The following SENP7 variants were observed in gnomAD, a reference collection of about 807,000 sequenced individuals.
SENP7 encodes sentrin-specific protease 7.
A neutral mutation model predicts 141.2 loss-of-function variants in SENP7; 64 were observed. The ratio of observed to expected loss-of-function variants is 0.45; its 90% CI spans 0.37 to 0.56. The LOEUF (loss-of-function observed/expected upper bound fraction) is 0.56. SENP7 is among the 20% of genes least tolerant of loss of function. The probability of loss-of-function intolerance (pLI) is 0.00; values close to 1 mark genes in which losing one functional copy is unlikely to be tolerated. For missense variants in SENP7, 1,025 were observed against 1,212.2 expected (o/e 0.85, Z 2.29); for synonymous variants, 382 against 426.4 (o/e 0.90, Z 1.28).
chr3:101,402,393 G>A (rs2061171093), intron 5 of SENP7, among the ~76,000 whole-genome samples: 4 of 152,080 alleles, frequency 2.6e-5, no homozygotes, highest in South Asian at 2.1e-4. Context: ...GGCGGCAGAG[G>A]CCGGCGGATA....
intron 3 of SENP7, among the ~76,000 whole-genome samples, chr3:101,476,813 T>C (rs1258285527): frequency 1.3e-5 from 2 of 152,242 alleles, no homozygotes; most frequent in East Asian, 3.8e-4. Context: ...TGAGATGGTA[T>C]CACATTGTGG....
intron 3 of SENP7, among the ~76,000 whole-genome samples, chr3:101,481,846 G>A (rs1052762504): frequency 5.3e-5 from 8 of 152,032 alleles, no homozygotes; most frequent in Non-Finnish European, 1.2e-4. Context: ...CGTAACTGTC[G>A]ATGTGGAAAT....
chr3:101,356,392 ATAAAG>A (rs1248052071), intron 11 of SENP7, among the ~76,000 whole-genome samples: 2 of 152,230 alleles, frequency 1.3e-5, no homozygotes, highest in African/African-American at 4.8e-5. Context: ...AAATAACAGC[ATAAAG>A]TAATTTGAAA....
intron 5 of SENP7, chr3:101,414,480 C>G (rs1190082021): frequency 5.3e-6 from 8 of 1,515,240 alleles, no homozygotes; most frequent in Non-Finnish European, 6.4e-6. Context: ...AATGCAACAA[C>G]AAAGCCAAAG....
At chr3:101,475,478 T>G (rs1237988033) in intron 3 of SENP7, among the ~76,000 whole-genome samples, 1 of 152,162 alleles carries the variant, frequency 6.6e-6, no homozygotes, top group East Asian at 1.9e-4. Context: ...CCACATGTCC[T>G]CACTCATAAG....
At chr3:101,379,526 T>G (rs1388304952) in intron 6 of SENP7, among the ~76,000 whole-genome samples, 1 of 152,138 alleles carries the variant, frequency 6.6e-6, no homozygotes, top group East Asian at 1.9e-4. Context: ...GCAAAGTACT[T>G]GAATAAACAT....
chr3:101,343,141 G>C (rs1442524741), intron 14 of SENP7, among the ~76,000 whole-genome samples: 1 of 152,144 alleles, frequency 6.6e-6, no homozygotes, highest in Non-Finnish European at 1.5e-5. Context: ...TATTACTGGT[G>C]ATGTTCATTT....
At chr3:101,441,985 C>T (rs1200312202) in intron 4 of SENP7, among the ~76,000 whole-genome samples, 1 of 152,214 alleles carries the variant, frequency 6.6e-6, no homozygotes, top group East Asian at 1.9e-4. Flanking sequence ...TATACCACTG[C>T]ATCCACTCAG....
At chr3:101,461,301 C>T (rs1398665567) in intron 3 of SENP7, among the ~76,000 whole-genome samples, 1 of 151,906 alleles carries the variant, frequency 6.6e-6, no homozygotes, top group Non-Finnish European at 1.5e-5. Context: ...ATGTCCACAC[C>T]AAATGAAGAA....
intron 4 of SENP7, among the ~76,000 whole-genome samples, chr3:101,422,768 T>G (rs189168899): frequency 1.1e-4 from 17 of 152,236 alleles, no homozygotes; most frequent in Admixed American, 1.1e-3. Context: ...CTTTTCTATT[T>G]TACATATGAG....
intron 1 of SENP7, among the ~76,000 whole-genome samples, chr3:101,501,984 A>G (rs1166724063): frequency 6.6e-6 from 1 of 152,242 alleles, no homozygotes; most frequent in Non-Finnish European, 1.5e-5. Flanking sequence ...ATTAATTTGA[A>G]ATGAATCATA....
At chr3:101,335,966 A>C (rs914861370) in intron 17 of SENP7, among the ~76,000 whole-genome samples, 6 of 152,314 alleles carry the variant, frequency 3.9e-5, no homozygotes, top group African/African-American at 1.4e-4. Flanking sequence ...TTAATCATAC[A>C]TCCCAGTTTG....
intron 3 of SENP7, among the ~76,000 whole-genome samples, chr3:101,492,294 G>T (rs189849523): frequency 2.0e-5 from 3 of 152,060 alleles, no homozygotes; most frequent in Non-Finnish European, 2.9e-5. Flanking sequence ...AGCACAGCTT[G>T]AGCCCAGGAA....
intron 6 of SENP7, among the ~76,000 whole-genome samples, chr3:101,375,542 CCAAAAAAAAAAAAA>C (rs1224902915): frequency 2.4e-4 from 6 of 25,512 alleles, no homozygotes; most frequent in South Asian, 5.3e-3. Context: ...AATTCCATCT[CCAAAAAAAAAAAAA>C]AAAAAAAAAA....
At chr3:101,411,658 T>C (rs2061461570) in intron 5 of SENP7, among the ~76,000 whole-genome samples, 2 of 152,176 alleles carry the variant, frequency 1.3e-5, no homozygotes, top group African/African-American at 4.8e-5. Flanking sequence ...ATTTCAGAAG[T>C]TCTGAATTTC....
At chr3:101,436,634 CA>C (rs1379677841) in intron 4 of SENP7, among the ~76,000 whole-genome samples, 2 of 148,574 alleles carry the variant, frequency 1.3e-5, no homozygotes, top group Admixed American at 6.7e-5. Context: ...GATATTTTTC[CA>C]AAAAAAAAGA....
chr3:101,439,334 G>C (rs1449671009), intron 4 of SENP7, among the ~76,000 whole-genome samples: 625 of 61,404 alleles, frequency 0.01, no homozygotes, highest in African/African-American at 0.027. Context: ...CTCTCCGCCC[G>C]GCAGCCACCC....
chr3:101,399,737 T>C (rs759877822), intron 5 of SENP7, among the ~76,000 whole-genome samples: 2 of 152,228 alleles, frequency 1.3e-5, no homozygotes, highest in African/African-American at 2.4e-5. Context: ...GTAATCCTCC[T>C]ACCTCAGCCT....
In SENP7 at chr3:101,387,074, C is replaced by A. The variant is rs1186853756; in HGVS notation, c.677+11787G>T. ...GGGACTGAGTACATGCCTTCCCTGG[C>A]CACTGCCACCATCACCAGGGCCTGA... is the stretch of plus-strand genomic sequence containing the variant. On this transcript the variant is annotated intron_variant, in intron 6 of 23. Transcript: ENST00000394095. Among the ~76,000 whole-genome samples the A allele has an allele frequency of 2.6e-5, 4 of 152,170 alleles. No homozygotes were observed. The South Asian group carries it at 8.3e-4, about 31-fold the overall frequency.
Sources: gnomAD v4.1 joint callset for allele counts (sites outside exome capture counted in the v4.1 genomes callset) on GRCh38, gnomAD v4.1.1 for gene constraint, MANE v1.5 for transcripts, NCBI Gene and HGNC (gene_info 2026-07-23, HGNC 2026-07-21) for gene names.